CHN1: variants seen among roughly 807,000 people sequenced by gnomAD.
The protein encoded by CHN1 is N-chimaerin.
Under a neutral mutation model 59.5 loss-of-function variants are expected in CHN1, and 37 were observed. The observed-to-expected ratio is 0.62, with a 90% CI of 0.48 to 0.82. The LOEUF is 0.82. CHN1 is among the 40% of genes least tolerant of loss of function. The pLI, the probability that CHN1 is intolerant of heterozygous loss-of-function variation, is 0.00. For synonymous variants in CHN1, 206 were observed against 200.4 expected, an observed-to-expected ratio of 1.03 and a Z score of -0.24; for missense variants, 469 against 571.0, an observed-to-expected ratio of 0.82 and a Z score of 1.82.
At chr2:174,812,135 C>T in intron 9 of CHN1, 174 bp downstream of exon 9, 1 of 442,658 alleles carries the variant, frequency 2.3e-6, no homozygotes, top group Non-Finnish European at 3.9e-6. Flanking sequence ...TGAAATCAAG[C>T]TATTTAATTG....
At position 174,977,046 on chromosome 2, in the gene CHN1, T is replaced by C. The variant is rs996880961; in HGVS notation, c.20-24844A>G. On this transcript the variant is annotated intron_variant, in intron 1 of 12. Coordinates refer to ENST00000409900, the MANE Select transcript of CHN1 (RefSeq NM_001822.7). ...CTCCTTCTGTCCTTAGACACATTGT[T>C]CACTGTCAATTCTTGAGTTTGATGA... Among the ~76,000 whole-genome samples, 4 of 152,336 alleles carry C rather than the reference T, an allele frequency of 2.6e-5. No homozygotes were observed. In the East Asian group the frequency reaches 7.7e-4, roughly 29 times the overall value.
intron 5 of CHN1, among the ~76,000 whole-genome samples, chr2:174,895,562 A>C (rs2105351079): frequency 6.6e-6 from 1 of 152,302 alleles, no homozygotes; most frequent in Middle Eastern, 3.4e-3. Context: ...AAGTTAAAAA[A>C]GATAAATAAG....
rs182436079 is a variant in CHN1 at position 174,918,201 on chromosome 2, T to C, written c.146+333A>G. ...TCACCCACATCCCACTGTACATACA[T>C]GTGTGTGTATATACGTATCTATATA... On this transcript the variant is annotated intron_variant, in intron 4 of 12. Transcript: ENST00000409900. 2.0e-4 allele frequency among the ~76,000 whole-genome samples: 31 copies of C among 152,232 alleles called. No homozygotes were observed. In the East Asian group the frequency reaches 6.0e-3, roughly 29 times the overall value.
intron 6 of CHN1, among the ~76,000 whole-genome samples, chr2:174,865,194 C>T (rs181895945): frequency 3.3e-5 from 5 of 152,296 alleles, no homozygotes; most frequent in African/African-American, 4.8e-5. Context: ...ATTTAAAAAA[C>T]GGAACATAAG....
At chr2:174,911,369 G>A (rs1454320561) in intron 5 of CHN1, among the ~76,000 whole-genome samples, 3 of 152,112 alleles carry the variant, frequency 2.0e-5, no homozygotes, top group South Asian at 2.1e-4. Flanking sequence ...CAGAAAATCC[G>A]AGAATCACTT....
intron 5 of CHN1, among the ~76,000 whole-genome samples, chr2:174,887,057 A>G (rs1206011430): frequency 6.6e-6 from 1 of 152,186 alleles, no homozygotes; most frequent in Non-Finnish European, 1.5e-5. Context: ...TCTATTTTAT[A>G]TAAATGGAAT....
At chr2:174,841,811 T>C (rs1200025497) in intron 7 of CHN1, among the ~76,000 whole-genome samples, 1 of 152,216 alleles carries the variant, frequency 6.6e-6, no homozygotes, top group African/African-American at 2.4e-5. Context: ...AGAGACATTA[T>C]TGCAGAAGCA....
intron 11 of CHN1, among the ~76,000 whole-genome samples, chr2:174,807,630 G>A (rs1684941057): frequency 6.6e-6 from 1 of 151,968 alleles, no homozygotes; most frequent in Admixed American, 6.6e-5. Context: ...GTCCATAAGA[G>A]ACCTAGAATT....
intron 1 of CHN1, among the ~76,000 whole-genome samples, chr2:174,967,305 C>A (rs182428): frequency 1.3e-5 from 2 of 152,290 alleles, no homozygotes; most frequent in East Asian, 1.9e-4. Context: ...GCAGGGAGCC[C>A]AGACGACATC....
intron 9 of CHN1, 112 bp downstream of exon 9, chr2:174,812,197 C>T: frequency 1.3e-6 from 1 of 761,656 alleles, no homozygotes; most frequent in Non-Finnish European, 2.0e-6. Context: ...GAAACCATTC[C>T]CCTCCAAATT....
At chr2:174,882,667 T>C (rs1225222586) in intron 5 of CHN1, among the ~76,000 whole-genome samples, 1 of 152,204 alleles carries the variant, frequency 6.6e-6, no homozygotes, top group African/African-American at 2.4e-5. Context: ...AATAAAATGT[T>C]AGAAGTATTT....
At chr2:174,970,095 G>A (rs1690714263) in intron 1 of CHN1, among the ~76,000 whole-genome samples, 1 of 152,100 alleles carries the variant, frequency 6.6e-6, no homozygotes, top group African/African-American at 2.4e-5. Flanking sequence ...ACCTAAGAAA[G>A]CCCTTGATGA....
At chr2:174,969,326 T>C (rs1360394169) in intron 1 of CHN1, among the ~76,000 whole-genome samples, 1 of 152,214 alleles carries the variant, frequency 6.6e-6, no homozygotes, top group African/African-American at 2.4e-5. Context: ...ATCTGGTAAC[T>C]TGGAAATGCA....
chr2:174,827,119 T>C (rs1574061635), intron 7 of CHN1, among the ~76,000 whole-genome samples: 1 of 152,212 alleles, frequency 6.6e-6, no homozygotes, highest in East Asian at 1.9e-4. Context: ...AAAATCCATA[T>C]ATCTCAAGTT....
intron 1 of CHN1, 37 bp downstream of exon 1, chr2:175,004,856 GC>G: frequency 7.4e-7 from 1 of 1,353,304 alleles, no homozygotes; most frequent in Non-Finnish European, 9.6e-7. Context: ...CCGGGACGCG[GC>G]CCACCTGCGG....
chr2:174,877,057 C>T (rs544759783), intron 6 of CHN1, among the ~76,000 whole-genome samples: 19 of 151,960 alleles, frequency 1.3e-4, no homozygotes, highest in Non-Finnish European at 2.4e-4. Flanking sequence ...ACCTAAAATG[C>T]CCCCAACTAA....
chr2:174,980,114 C>T (rs1252939996), intron 1 of CHN1, among the ~76,000 whole-genome samples: 1 of 152,074 alleles, frequency 6.6e-6, no homozygotes, highest in Non-Finnish European at 1.5e-5. Flanking sequence ...TATTCTTTTT[C>T]TCAAGTCTAA....
At chr2:174,957,731 G>T (rs1388326133) in intron 1 of CHN1, among the ~76,000 whole-genome samples, 1 of 152,062 alleles carries the variant, frequency 6.6e-6, no homozygotes, top group African/African-American at 2.4e-5. Flanking sequence ...ACTGTGAGGG[G>T]CTAGGAAGGG....
intron 3 of CHN1, among the ~76,000 whole-genome samples, chr2:174,943,202 G>A (rs967067461): frequency 6.7e-6 from 1 of 150,022 alleles, no homozygotes; most frequent in African/African-American, 2.5e-5. Context: ...GTGTGTGTGT[G>A]TGTGTGTATG....
Sources: allele counts gnomAD v4.1 joint callset (sites outside exome capture counted in the v4.1 genomes callset), GRCh38; gene constraint gnomAD v4.1.1; transcripts MANE v1.5; gene names NCBI Gene and HGNC (gene_info 2026-07-23, HGNC 2026-07-21).